The following ABCA13 variants were observed in gnomAD, a reference collection of about 807,000 sequenced individuals.
ABCA13 encodes the protein ATP-binding cassette sub-family A member 13.
ABCA13 carries 476 observed loss-of-function variants against 478.7 expected under a neutral mutation model. The ratio of observed to expected loss-of-function variants is 0.99; its 90% CI spans 0.92 to 1.07. The LOEUF is 1.07. Among genes scored for constraint, ABCA13 ranks in the 50% least tolerant of loss-of-function variants. The pLI is 0.00. For missense variants in ABCA13, 6,060 were observed against 5,910.6 expected (o/e 1.03, Z -0.83); for synonymous variants, 2,252 against 2,158.9 (o/e 1.04, Z -1.20).
chr7:48,644,604 TTTTTG>T lies in ABCA13; in HGVS notation c.14944-12_14944-8del. On this transcript the variant is annotated splice_polypyrimidine_tract_variant and splice_region_variant and intron_variant, in intron 60 of 61. Coordinates refer to ENST00000435803, the MANE Select transcript of ABCA13 (RefSeq NM_152701.5). ...TTATATGATACTTTTTTTTTTTTTT[TTTTTG>T]CTTTTAGGGACAGCACCTGAATTTA... The T allele has an allele frequency of 2.5e-6, 4 of 1,575,836 alleles. No individual in the cohort carries two copies. The highest frequency in any genetic ancestry group is 1.2e-5 in the South Asian group (1 of 83,476).
intron 50 of ABCA13, among the ~76,000 whole-genome samples, chr7:48,509,539 G>T (rs1311272691): frequency 6.6e-6 from 1 of 152,126 alleles, no homozygotes; most frequent in East Asian, 1.9e-4. Context: ...ATCTCTTTAT[G>T]CCTCCCACTC....
At chr7:48,299,716 G>C (rs1284818409) in intron 23 of ABCA13, among the ~76,000 whole-genome samples, 1 of 152,162 alleles carries the variant, frequency 6.6e-6, no homozygotes, top group East Asian at 1.9e-4. Flanking sequence ...GATACTTTTT[G>C]GGTTTGGGCT....
intron 23 of ABCA13, among the ~76,000 whole-genome samples, chr7:48,303,195 T>C (rs1800402845): frequency 6.6e-6 from 1 of 152,190 alleles, no homozygotes; most frequent in African/African-American, 2.4e-5. Context: ...GTTTGTTTTT[T>C]TCTTGTAAAT....
intron 8 of ABCA13, among the ~76,000 whole-genome samples, chr7:48,235,382 T>C (rs1002794802): frequency 6.6e-6 from 1 of 152,236 alleles, no homozygotes; most frequent in Admixed American, 6.5e-5. Flanking sequence ...GAGTGAACTA[T>C]GTAAAACTTT....
At chr7:48,621,803 C>T (rs1793164985) in intron 59 of ABCA13, among the ~76,000 whole-genome samples, 1 of 152,186 alleles carries the variant, frequency 6.6e-6, no homozygotes, top group East Asian at 1.9e-4. Context: ...AATAAGCCAA[C>T]AATGGATTTC....
intron 1 of ABCA13, among the ~76,000 whole-genome samples, chr7:48,181,073 G>A (rs967284212): frequency 6.6e-6 from 1 of 152,172 alleles, no homozygotes. Flanking sequence ...GTTGGCTGGC[G>A]TCTGATCAGA....
chr7:48,182,931 A>G (rs1478066551), intron 1 of ABCA13, among the ~76,000 whole-genome samples: 1 of 152,200 alleles, frequency 6.6e-6, no homozygotes, highest in East Asian at 1.9e-4. Flanking sequence ...GCAGTGCTTA[A>G]CAACAAGAAC....
intron 28 of ABCA13, among the ~76,000 whole-genome samples, chr7:48,335,901 G>A (rs543442849): frequency 1.3e-5 from 2 of 152,192 alleles, no homozygotes; most frequent in South Asian, 2.1e-4. Context: ...TAAAAGGAAC[G>A]ACTTACAGTT....
At chr7:48,253,878 A>G (rs1229672654) in intron 15 of ABCA13, among the ~76,000 whole-genome samples, 1 of 151,884 alleles carries the variant, frequency 6.6e-6, no homozygotes, top group African/African-American at 2.4e-5. Flanking sequence ...TTCTTTAAAT[A>G]TTTCTTTTAC....
Position 48,643,358 on chromosome 7 carries a change from C to T in ABCA13, c.14908C>T (p.His4970Tyr), listed in dbSNP as rs777148914. 3.7e-6 allele frequency: 6 copies of T among 1,613,544 alleles called. No individual in the cohort carries two copies. The highest frequency in any genetic ancestry group is 5.1e-6 in the Non-Finnish European group (6 of 1,179,630). Reference protein sequence around the residue: ...EANQHCTVSDHLKLYFPGIQF... With the variant: ...EANQHCTVSDYLKLYFPGIQF... ...AAATCAACATTGCACTGTTTCTGAC[C>T]ACTTGAAGCTTTATTTTCCAGGAAT... is the stretch of plus-strand genomic sequence containing the variant. The change falls in exon 60 of 62, where the codon CAC (histidine) becomes TAC (tyrosine). Residue 4970 changes from histidine to tyrosine, a missense_variant. Transcript: ENST00000435803.
At chr7:48,244,828 G>A in intron 11 of ABCA13, 125 bp downstream of exon 11, 1 of 1,174,178 alleles carries the variant, frequency 8.5e-7, no homozygotes, top group Non-Finnish European at 1.2e-6. Context: ...GGTGTCATAT[G>A]CATATTTATG....
chr7:48,413,822 G>T (rs919914464), intron 41 of ABCA13, among the ~76,000 whole-genome samples: 2 of 152,156 alleles, frequency 1.3e-5, no homozygotes, highest in Non-Finnish European at 2.9e-5. Flanking sequence ...GAATGTATTT[G>T]GTTCCCCTGA....
chr7:48,449,421 T>G (rs559761628), intron 42 of ABCA13, among the ~76,000 whole-genome samples: 1 of 152,284 alleles, frequency 6.6e-6, no homozygotes, highest in East Asian at 1.9e-4. Context: ...CAGTAATGGT[T>G]TGGATAAATA....
At chr7:48,381,618 G>A (rs1035230705) in intron 35 of ABCA13, among the ~76,000 whole-genome samples, 1 of 152,154 alleles carries the variant, frequency 6.6e-6, no homozygotes, top group Non-Finnish European at 1.5e-5. Context: ...TCCTCTCGAA[G>A]AGTTTTCATT....
intron 41 of ABCA13, among the ~76,000 whole-genome samples, chr7:48,415,914 T>G (rs55655908): frequency 2.0e-5 from 3 of 151,984 alleles, no homozygotes; most frequent in Non-Finnish European, 4.4e-5. Context: ...CAGTATTCTT[T>G]TTAGTAATTC....
chr7:48,190,158 T>G (rs1351880694), intron 1 of ABCA13, among the ~76,000 whole-genome samples: 1 of 152,220 alleles, frequency 6.6e-6, no homozygotes, highest in African/African-American at 2.4e-5. Context: ...GCATTTTCAC[T>G]ACATCTATCC....
Position 48,647,111 on chromosome 7 carries a change from T to G in ABCA13, c.*1599T>G, listed in dbSNP as rs1795477300. 1 of 152,260 alleles carries G rather than the reference T, an allele frequency of 6.6e-6. No homozygotes were observed. The highest frequency in any genetic ancestry group is 6.5e-5 in the Admixed American group (1 of 15,290). 9.4% of individuals were successfully genotyped at this position (152,260 alleles called of 1,614,324 possible). ...ATCTTATTTTAAAATTTGGCCTTTT[T>G]CAACACTAACGTTGAGTACCGGTAG... On this transcript the variant is annotated 3_prime_UTR_variant, in exon 62 of 62. Coordinates refer to ENST00000435803, the MANE Select transcript of ABCA13 (RefSeq NM_152701.5).
At chr7:48,432,195 C>T (rs1822240854) in intron 42 of ABCA13, among the ~76,000 whole-genome samples, 1 of 152,036 alleles carries the variant, frequency 6.6e-6, no homozygotes. Flanking sequence ...GGAAGACATG[C>T]AAATGGCCAA....
At chr7:48,624,481 C>T (rs930015642) in intron 59 of ABCA13, among the ~76,000 whole-genome samples, 3 of 151,758 alleles carry the variant, frequency 2.0e-5, no homozygotes, top group Non-Finnish European at 4.4e-5. Context: ...ATACTCCAGG[C>T]CAATTTATGA....
Sources: allele counts gnomAD v4.1 joint callset (sites outside exome capture counted in the v4.1 genomes callset), GRCh38; gene constraint gnomAD v4.1.1; transcripts MANE v1.5; gene names NCBI Gene and HGNC (gene_info 2026-07-23, HGNC 2026-07-21).